The following SEMA6A variants were observed in gnomAD, a reference collection of about 807,000 sequenced individuals.
The protein encoded by SEMA6A is semaphorin 6A.
In SEMA6A, 25 loss-of-function variants were observed where a neutral mutation model predicts 96.8. That is an observed-to-expected ratio of 0.26 (90% CI 0.19 to 0.36). SEMA6A has a LOEUF of 0.36. Ranked by LOEUF, SEMA6A falls within the 10% of genes least tolerant of loss-of-function variation. The pLI is 1.00. For missense variants in SEMA6A, 1,363 were observed against 1,323.1 expected (o/e 1.03, Z -0.47); for synonymous variants, 612 against 518.0 (o/e 1.18, Z -2.46).
intron 1 of SEMA6A, among the ~76,000 whole-genome samples, chr5:116,572,374 A>G (rs546095746): frequency 6.6e-6 from 1 of 152,282 alleles, no homozygotes; most frequent in East Asian, 1.9e-4. Flanking sequence ...CTTTCTCCCA[A>G]AGACCGACGC....
intron 1 of SEMA6A, among the ~76,000 whole-genome samples, chr5:116,534,833 G>A (rs1230717619): frequency 6.6e-6 from 1 of 152,162 alleles, no homozygotes; most frequent in Admixed American, 6.6e-5. Flanking sequence ...ATGAATGAAT[G>A]AACAGATGAA....
intron 5 of SEMA6A, 162 bp from the exon 6 acceptor site, chr5:116,495,676 G>GCCGTGGGGAAC: frequency 1.8e-6 from 1 of 570,018 alleles, no homozygotes; most frequent in Non-Finnish European, 3.1e-6. Context: ...ACAAGATGAT[G>GCCGTGGGGAAC]CCGACATCAA....
intron 1 of SEMA6A, among the ~76,000 whole-genome samples, chr5:116,545,297 A>C (rs1051770909): frequency 5.3e-5 from 8 of 152,164 alleles, no homozygotes; most frequent in African/African-American, 1.9e-4. Flanking sequence ...TCGGCCAGGC[A>C]CGTGGGTCAT....
chr5:116,495,326 A>C, intron 6 of SEMA6A, 87 bp downstream of exon 6: 2 of 908,368 alleles, frequency 2.2e-6, no homozygotes, highest in Non-Finnish European at 3.6e-6. Flanking sequence ...GTGTTGAATT[A>C]CCCCTCTTAG....
At position 116,482,548 on chromosome 5, in the gene SEMA6A, A is replaced by G; in HGVS notation, c.990T>C (p.Tyr330=). ...NSIPGSAVCA[Y]DMLDIASVFT... is the part of the protein sequence containing the mutation. Reference sequence around the variant, plus strand: ...AAACACTGGCAATGTCAAGCATGTCATAGGCACAGACTGCAGACCCAGGGA... The same window carrying G: ...AAACACTGGCAATGTCAAGCATGTCGTAGGCACAGACTGCAGACCCAGGGA... Residue 330 remains tyrosine, a synonymous_variant, in exon 11 of 19, where the codon TAT becomes TAC. Coordinates refer to ENST00000343348, the MANE Select transcript of SEMA6A (RefSeq NM_020796.5). The G allele has an allele frequency of 6.2e-7, 1 of 1,613,698 alleles. No homozygotes were observed. The highest frequency in any genetic ancestry group is 8.5e-7 in the Non-Finnish European group (1 of 1,179,686).
chr5:116,453,046 A>G (rs931987313), intron 18 of SEMA6A, among the ~76,000 whole-genome samples: 4 of 152,246 alleles, frequency 2.6e-5, no homozygotes, highest in Admixed American at 1.3e-4. Context: ...CATTTGAGCT[A>G]AGCCTTAAAG....
chr5:116,562,575 AG>A, intron 1 of SEMA6A: 1 of 627,614 alleles, frequency 1.6e-6, no homozygotes, highest in Non-Finnish European at 3.0e-6. Flanking sequence ...GCACCTCGAA[AG>A]GGGAAGGAAA....
chr5:116,568,629 A>G (rs2112919831), intron 1 of SEMA6A, among the ~76,000 whole-genome samples: 2 of 152,312 alleles, frequency 1.3e-5, no homozygotes, highest in East Asian at 3.9e-4. Flanking sequence ...TGGCAAGTTG[A>G]TTTTACCTAA....
chr5:116,511,411 G>A (rs577924939), intron 1 of SEMA6A, among the ~76,000 whole-genome samples: 24 of 152,282 alleles, frequency 1.6e-4, no homozygotes, highest in African/African-American at 5.8e-4. Context: ...TATATTTACA[G>A]CACAGTAGTC....
chr5:116,553,930 G>A (rs1760512158), intron 1 of SEMA6A, among the ~76,000 whole-genome samples: 1 of 152,130 alleles, frequency 6.6e-6, no homozygotes, highest in African/African-American at 2.4e-5. Flanking sequence ...TCCAGCCTGG[G>A]TTAATACCAA....
Position 116,470,067 on chromosome 5 carries a change from G to A in SEMA6A, c.1730-2320C>T, listed in dbSNP as rs1580396929. ...TTATGCTTGAGGATAGGAAACACGT[G>A]CCAGTGGTGAATTAAACAGTCAGAG... On this transcript the variant is annotated intron_variant, in intron 17 of 18. Transcript: ENST00000343348. Among the ~76,000 whole-genome samples the A allele has an allele frequency of 2.6e-5, 4 of 152,130 alleles. No homozygotes were observed. The South Asian group carries it at 8.3e-4, about 31-fold the overall frequency.
intron 1 of SEMA6A, among the ~76,000 whole-genome samples, chr5:116,568,678 T>G (rs1246688840): frequency 6.6e-6 from 1 of 152,180 alleles, no homozygotes; most frequent in Non-Finnish European, 1.5e-5. Flanking sequence ...GTCTCACAGA[T>G]GTGTGCTCTT....
rs1057040573 is a variant in SEMA6A, at chr5:116,449,321, T to C, written c.1895-1510A>G. On this transcript the variant is annotated intron_variant, in intron 18 of 18. Transcript: ENST00000343348. ...ATAGCAAGACAGAAAAGGTACCTTC[T>C]CTGGTCTCGGGAGACGCATTTTTCA... The C allele has an allele frequency of 1.0e-5, 7 of 702,438 alleles. No individual in the cohort carries two copies. In the Admixed American group the frequency reaches 1.2e-4, roughly 12 times the overall value. 43.5% of individuals were successfully genotyped at this position (702,438 alleles called of 1,614,324 possible).
At chr5:116,466,053 C>A (rs1755713268) in intron 18 of SEMA6A, among the ~76,000 whole-genome samples, 1 of 104,634 alleles carries the variant, frequency 9.6e-6, no homozygotes, top group East Asian at 2.8e-4. Context: ...TGAGACAAAA[C>A]CAGCTTAAAA....
chr5:116,570,873 C>A (rs1011953309), intron 1 of SEMA6A, among the ~76,000 whole-genome samples: 20 of 152,168 alleles, frequency 1.3e-4, no homozygotes, highest in Non-Finnish European at 2.6e-4. Context: ...AATTTGGATG[C>A]CTCATTTTTA....
At chr5:116,472,635 CA>C (rs1202410451) in intron 17 of SEMA6A, 1 of 427,894 alleles carries the variant, frequency 2.3e-6, no homozygotes, top group East Asian at 4.0e-5. Context: ...ATGTATTCAC[CA>C]AATTCCCTAA....
chr5:116,514,756 A>C (rs188903440), intron 1 of SEMA6A, among the ~76,000 whole-genome samples: 8 of 152,112 alleles, frequency 5.3e-5, no homozygotes, highest in Non-Finnish European at 8.8e-5. Context: ...CATTACTACC[A>C]CTGCCTGATT....
intron 1 of SEMA6A, among the ~76,000 whole-genome samples, chr5:116,509,028 C>A (rs1273917100): frequency 6.6e-6 from 1 of 152,146 alleles, no homozygotes; most frequent in African/African-American, 2.4e-5. Context: ...TTTTAGAGAC[C>A]CGGCTGGGCT....
chr5:116,463,099 C>G (rs1755518723), intron 18 of SEMA6A, among the ~76,000 whole-genome samples: 1 of 152,154 alleles, frequency 6.6e-6, no homozygotes, highest in African/African-American at 2.4e-5. Flanking sequence ...GAAGACAAAG[C>G]CCCAGTGTAA....
Sources: gnomAD v4.1 joint callset for allele counts (sites outside exome capture counted in the v4.1 genomes callset) on GRCh38, gnomAD v4.1.1 for gene constraint, MANE v1.5 for transcripts, NCBI Gene and HGNC (gene_info 2026-07-23, HGNC 2026-07-21) for gene names.